Variants in CNTN5 observed in about 807,000 individuals in gnomAD.
CNTN5 encodes contactin 5, also known as contactin-5.
CNTN5 carries 77 observed loss-of-function variants against 129.1 expected under a neutral mutation model. The ratio of observed to expected loss-of-function variants is 0.60; its 90% CI spans 0.50 to 0.72. The LOEUF is 0.72. CNTN5 is among the 30% of genes least tolerant of loss of function. The pLI is 0.00. For synonymous variants in CNTN5, 509 were observed against 465.6 expected (o/e 1.09, Z -1.20); for missense variants, 1,478 against 1,328.8 (o/e 1.11, Z -1.75).
chr11:99,382,274 C>T (rs771851064), intron 2 of CNTN5, among the ~76,000 whole-genome samples: 12 of 152,024 alleles, frequency 7.9e-5, no homozygotes, highest in Non-Finnish European at 1.3e-4. Flanking sequence ...CTGAATGGCA[C>T]GCAGCACCCC....
At chr11:100,007,199 G>A (rs774831065) in intron 9 of CNTN5, among the ~76,000 whole-genome samples, 11 of 152,016 alleles carry the variant, frequency 7.2e-5, no homozygotes, top group Non-Finnish European at 1.5e-4. Flanking sequence ...AGAACACAGA[G>A]TAGATTTAAC....
chr11:99,958,170 A>T (rs1047500112), intron 8 of CNTN5, among the ~76,000 whole-genome samples: 2 of 152,218 alleles, frequency 1.3e-5, no homozygotes, highest in Non-Finnish European at 2.9e-5. Context: ...CTGACTTGGA[A>T]ACCAATTCAG....
intron 3 of CNTN5, among the ~76,000 whole-genome samples, chr11:99,744,476 G>C (rs1290868273): frequency 7.1e-6 from 1 of 140,920 alleles, no homozygotes; most frequent in South Asian, 2.3e-4. Flanking sequence ...GAGGCAACTG[G>C]ATCACTTGAG....
At chr11:99,629,559 A>C (rs2135795373) in intron 3 of CNTN5, among the ~76,000 whole-genome samples, 1 of 151,924 alleles carries the variant, frequency 6.6e-6, no homozygotes, top group Admixed American at 6.6e-5. Context: ...AGATAAAGGA[A>C]TGATCAGGGG....
In CNTN5 at chr11:99,651,867, C is replaced by T. The variant is rs371840102; in HGVS notation, c.55+95598C>T. ...TGAGACAATAACTGAATAAGAATTA[C>T]AGAAAATGGATAAGATTTCATATAA... On this transcript the variant is annotated intron_variant, in intron 3 of 24. Transcript: ENST00000524871. Among the ~76,000 whole-genome samples the T allele has an allele frequency of 1.8e-4, 28 of 151,796 alleles. No individual in the cohort carries two copies. The South Asian group carries it at 5.4e-3, about 29-fold the overall frequency.
intron 8 of CNTN5, among the ~76,000 whole-genome samples, chr11:99,976,660 A>C (rs1591513225): frequency 6.6e-6 from 1 of 152,206 alleles, no homozygotes; most frequent in Admixed American, 6.5e-5. Flanking sequence ...CCATGGCTGG[A>C]GCTGGAACAG....
Position 100,162,338 on chromosome 11 carries a change from TTATTC to T in CNTN5, c.1581-28782_1581-28778del, listed in dbSNP as rs1345575978. 2.0e-5 allele frequency among the ~76,000 whole-genome samples: 3 copies of T among 152,072 alleles called. No individual in the cohort carries two copies. In the South Asian group the frequency reaches 6.2e-4, roughly 32 times the overall value. On this transcript the variant is annotated intron_variant, in intron 13 of 24. Transcript: ENST00000524871. ...CATTATCCTCTATGCTAATTATACT[TTATTC>T]TATTCACTAAACAGAACTAACTAGC...
intron 1 of CNTN5, among the ~76,000 whole-genome samples, chr11:99,298,708 T>A (rs980062893): frequency 2.0e-5 from 3 of 152,180 alleles, no homozygotes; most frequent in Non-Finnish European, 4.4e-5. Context: ...TAAGTTCCCC[T>A]TGATTAAAAA....
intron 1 of CNTN5, among the ~76,000 whole-genome samples, chr11:99,090,358 G>A (rs932393997): frequency 6.6e-6 from 1 of 152,116 alleles, no homozygotes; most frequent in Non-Finnish European, 1.5e-5. Context: ...AGGCACAGAA[G>A]CAGAAATTGG....
chr11:100,284,904 G>T (rs1950734398), intron 18 of CNTN5, among the ~76,000 whole-genome samples: 1 of 152,148 alleles, frequency 6.6e-6, no homozygotes, highest in African/African-American at 2.4e-5. Context: ...ATAATGAAAG[G>T]TTGGAGTTTC....
At chr11:100,098,690 A>C (rs1055328160) in intron 13 of CNTN5, among the ~76,000 whole-genome samples, 2 of 152,062 alleles carry the variant, frequency 1.3e-5, no homozygotes, top group African/African-American at 4.8e-5. Context: ...ATTGCCCAGT[A>C]GCATTTTGGG....
At chr11:99,699,867 A>G (rs1485221361) in intron 3 of CNTN5, among the ~76,000 whole-genome samples, 3 of 151,486 alleles carry the variant, frequency 2.0e-5, no homozygotes, top group African/African-American at 4.8e-5. Flanking sequence ...CCTATTGCTA[A>G]GACCTCACAG....
At chr11:99,800,245 G>A (rs1591206630) in intron 3 of CNTN5, among the ~76,000 whole-genome samples, 1 of 151,936 alleles carries the variant, frequency 6.6e-6, no homozygotes, top group South Asian at 2.1e-4. Flanking sequence ...GGAGAAAATT[G>A]TCTAATACTT....
chr11:99,677,693 A>T (rs1438681395), intron 3 of CNTN5, among the ~76,000 whole-genome samples: 1 of 150,658 alleles, frequency 6.6e-6, no homozygotes, highest in African/African-American at 2.5e-5. Context: ...CTCGTTGTTC[A>T]AAACTGTTTA....
chr11:99,765,085 G>T (rs1168682088), intron 3 of CNTN5, among the ~76,000 whole-genome samples: 2 of 151,818 alleles, frequency 1.3e-5, no homozygotes, highest in African/African-American at 4.8e-5. Context: ...TGTTAGATAT[G>T]GAAGATAATG....
intron 6 of CNTN5, among the ~76,000 whole-genome samples, chr11:99,900,512 G>T (rs1283239738): frequency 2.0e-5 from 3 of 151,636 alleles, no homozygotes; most frequent in Non-Finnish European, 4.4e-5. Context: ...TATCCCAGAG[G>T]TTTTTGTATG....
chr11:99,402,791 A>G (rs893666181), intron 2 of CNTN5, among the ~76,000 whole-genome samples: 1 of 151,984 alleles, frequency 6.6e-6, no homozygotes, highest in Non-Finnish European at 1.5e-5. Flanking sequence ...CTGTAGTTCA[A>G]TTTGGTAGGT....
In CNTN5 at chr11:100,271,280, T is replaced by G. The variant is rs756166367; in HGVS notation, c.2314+39T>G. The G allele has an allele frequency of 2.7e-6, 4 of 1,489,056 alleles. No homozygotes were observed. The African/African-American group carries it at 5.6e-5, about 21-fold the overall frequency. 92.2% of individuals were successfully genotyped at this position (1,489,056 alleles called of 1,614,324 possible). A position where few individuals can be genotyped will look rare whatever the true frequency, so the allele number is the denominator to read the frequency against. On this transcript the variant is annotated intron_variant, in intron 18 of 24. Transcript: ENST00000524871. ...AGAGTCAGATTGGATTTGGTATGCTTCTAATCGTCTTGAAAGTGAGTTGAA... is the reference window on the plus strand; with the variant it reads ...AGAGTCAGATTGGATTTGGTATGCTGCTAATCGTCTTGAAAGTGAGTTGAA...
At chr11:99,950,824 G>C (rs1377114463) in intron 7 of CNTN5, among the ~76,000 whole-genome samples, 2 of 152,004 alleles carry the variant, frequency 1.3e-5, no homozygotes, top group Non-Finnish European at 2.9e-5. Context: ...CTAAAGTTTA[G>C]GAAAATTAAA....
Sources: allele counts gnomAD v4.1 joint callset (sites outside exome capture counted in the v4.1 genomes callset), GRCh38; gene constraint gnomAD v4.1.1; transcripts MANE v1.5; gene names NCBI Gene and HGNC (gene_info 2026-07-23, HGNC 2026-07-21).